ENTREP2: variants seen among roughly 807,000 people sequenced by gnomAD.
ENTREP2 encodes the protein endosomal transmembrane epsin interactor 2, also known as protein ENTREP2.
the ENTREP2 span, among the ~76,000 whole-genome samples, chr15:29,507,336 TAGACAGATCAATG>T: frequency 1.3e-5 from 2 of 152,164 alleles, no homozygotes; most frequent in African/African-American, 4.8e-5. Flanking sequence ...CTGTTGATAT[TAGACAGATCAATG>T]AGACAGAAAA....
At chr15:29,624,987 G>T in the ENTREP2 span, among the ~76,000 whole-genome samples, 1 of 151,536 alleles carries the variant, frequency 6.6e-6, no homozygotes, top group Non-Finnish European at 1.5e-5. Context: ...TATCATCTCT[G>T]GGGAACTATC....
At chr15:29,468,189 A>C in the ENTREP2 span, among the ~76,000 whole-genome samples, 1 of 152,176 alleles carries the variant, frequency 6.6e-6, no homozygotes, top group African/African-American at 2.4e-5. Context: ...AGCCATAAAT[A>C]TTTCTAAATG....
At chr15:29,537,191 C>A in the ENTREP2 span, among the ~76,000 whole-genome samples, 12,118 of 152,114 alleles carry the variant, frequency 0.08, 1,600 homozygotes, top group African/African-American at 0.28. Flanking sequence ...GCAACTCGAT[C>A]AACTGGTCCC....
chr15:29,438,207 A>C, the ENTREP2 span, among the ~76,000 whole-genome samples: 1 of 152,200 alleles, frequency 6.6e-6, no homozygotes, highest in Non-Finnish European at 1.5e-5. Context: ...GAGATCACAG[A>C]AATAATGAAG....
the ENTREP2 span, among the ~76,000 whole-genome samples, chr15:29,572,437 A>G: frequency 6.6e-6 from 1 of 152,336 alleles, no homozygotes; most frequent in African/African-American, 2.4e-5. Flanking sequence ...CTGGACTGGC[A>G]GGAAGTTATG....
the ENTREP2 span, among the ~76,000 whole-genome samples, chr15:29,159,445 C>T: frequency 9.2e-5 from 14 of 152,126 alleles, no homozygotes; most frequent in South Asian, 2.1e-4. Context: ...AGGACAGGGC[C>T]GGGTTGCTAC....
At chr15:29,656,384 G>A in the ENTREP2 span, among the ~76,000 whole-genome samples, 1 of 152,030 alleles carries the variant, frequency 6.6e-6, no homozygotes, top group Admixed American at 6.6e-5. Context: ...CATCACCACA[G>A]CCGGGTAGTT....
chr15:29,239,210 A>T, the ENTREP2 span, among the ~76,000 whole-genome samples: 1 of 152,106 alleles, frequency 6.6e-6, no homozygotes. Flanking sequence ...ACAAAAACCA[A>T]GCTCATCATG....
the ENTREP2 span, among the ~76,000 whole-genome samples, chr15:29,318,998 G>A: frequency 2.6e-5 from 4 of 152,148 alleles, no homozygotes; most frequent in African/African-American, 9.7e-5. Context: ...TAAAAGCAAC[G>A]ATTAACTGTA....
chr15:29,397,188 C>T, the ENTREP2 span, among the ~76,000 whole-genome samples: 2 of 152,022 alleles, frequency 1.3e-5, no homozygotes, highest in African/African-American at 4.8e-5. Flanking sequence ...GTCAGGAGCT[C>T]GAGGACAGCC....
At chr15:29,501,330 A>C in the ENTREP2 span, among the ~76,000 whole-genome samples, 1 of 152,028 alleles carries the variant, frequency 6.6e-6, no homozygotes, top group African/African-American at 2.4e-5. Flanking sequence ...ATTCACCATG[A>C]CCAAGTAGAG....
At chr15:29,169,934 A>G in the ENTREP2 span, among the ~76,000 whole-genome samples, 23 of 152,346 alleles carry the variant, frequency 1.5e-4, no homozygotes, top group African/African-American at 5.3e-4. Context: ...AGATGATACA[A>G]TTATTCATAC....
chr15:29,326,952 CA>C, the ENTREP2 span, among the ~76,000 whole-genome samples: 1 of 151,576 alleles, frequency 6.6e-6, no homozygotes, highest in Non-Finnish European at 1.5e-5. Flanking sequence ...CAAAGTCATT[CA>C]ATGGAAAAAA....
At chr15:29,546,525 C>T in the ENTREP2 span, among the ~76,000 whole-genome samples, 8 of 152,078 alleles carry the variant, frequency 5.3e-5, no homozygotes, top group East Asian at 1.9e-4. Flanking sequence ...CCAAACCAAT[C>T]GCCACTTTGT....
At chr15:29,235,183 T>C in the ENTREP2 span, 1 of 680,128 alleles carries the variant, frequency 1.5e-6, no homozygotes, top group South Asian at 1.6e-5. Flanking sequence ...CCTGAATCTT[T>C]TCAAAGTGTC....
chr15:29,408,677 G>C, the ENTREP2 span, among the ~76,000 whole-genome samples: 1 of 151,926 alleles, frequency 6.6e-6, no homozygotes, highest in African/African-American at 2.4e-5. Flanking sequence ...CCAACTTCCT[G>C]GTCTTTTTTT....
the ENTREP2 span, among the ~76,000 whole-genome samples, chr15:29,433,861 C>A: frequency 1.3e-5 from 2 of 152,050 alleles, no homozygotes; most frequent in African/African-American, 4.8e-5. Context: ...CACCCTCATC[C>A]TCTCATAAAG....
At chr15:29,321,099 T>C in the ENTREP2 span, among the ~76,000 whole-genome samples, 1 of 152,026 alleles carries the variant, frequency 6.6e-6, no homozygotes, top group Non-Finnish European at 1.5e-5. Flanking sequence ...TCAAAGAAGC[T>C]TGGAGAACCC....
At chr15:29,271,308 A>C in the ENTREP2 span, among the ~76,000 whole-genome samples, 1 of 152,244 alleles carries the variant, frequency 6.6e-6, no homozygotes, top group Non-Finnish European at 1.5e-5. Context: ...ATCTGGACTT[A>C]GGTTCATAGA....
Sources: gnomAD v4.1 joint callset for allele counts (sites outside exome capture counted in the v4.1 genomes callset) on GRCh38, gnomAD v4.1.1 for gene constraint, MANE v1.5 for transcripts, NCBI Gene and HGNC (gene_info 2026-07-23, HGNC 2026-07-21) for gene names.